The following PRKN variants were observed in gnomAD, a reference collection of about 807,000 sequenced individuals.
The protein encoded by PRKN is parkin RBR E3 ubiquitin protein ligase.
Under a neutral mutation model 59.5 loss-of-function variants are expected in PRKN, and 56 were observed. The ratio of observed to expected loss-of-function variants is 0.94; its 90% confidence interval spans 0.76 to 1.18. The LOEUF (loss-of-function observed/expected upper bound fraction) is 1.18. PRKN is among the 50% of genes most tolerant of loss of function. The probability of loss-of-function intolerance (pLI) is 0.00; values close to 1 mark genes in which losing one functional copy is unlikely to be tolerated. For synonymous variants in PRKN, 250 were observed against 222.1 expected (o/e 1.13, Z -1.12); for missense variants, 657 against 596.4 (o/e 1.10, Z -1.06).
intron 1 of PRKN, among the ~76,000 whole-genome samples, chr6:162,524,954 T>C (rs1361436662): frequency 2.6e-5 from 4 of 152,174 alleles, no homozygotes; most frequent in African/African-American, 9.6e-5. Flanking sequence ...ATATCACTGA[T>C]TCTTCAAAAT....
chr6:161,489,975 C>T (rs915423474), intron 9 of PRKN, among the ~76,000 whole-genome samples: 1 of 152,220 alleles, frequency 6.6e-6, no homozygotes, highest in Non-Finnish European at 1.5e-5. Flanking sequence ...CCAATTTCCA[C>T]AGTAACTCCT....
At chr6:162,474,550 T>C (rs1478994464) in intron 1 of PRKN, among the ~76,000 whole-genome samples, 3 of 152,212 alleles carry the variant, frequency 2.0e-5, no homozygotes, top group South Asian at 4.1e-4. Flanking sequence ...ATTAAAATTA[T>C]TGCCAATAAA....
At chr6:162,190,177 C>G (rs879623741) in intron 4 of PRKN, among the ~76,000 whole-genome samples, 1 of 152,114 alleles carries the variant, frequency 6.6e-6, no homozygotes, top group Non-Finnish European at 1.5e-5. Flanking sequence ...GAGTATCGTG[C>G]CCTACAACAA....
chr6:162,527,387 T>C (rs1204481999), intron 1 of PRKN, among the ~76,000 whole-genome samples: 1 of 152,162 alleles, frequency 6.6e-6, no homozygotes, highest in Non-Finnish European at 1.5e-5. Flanking sequence ...CCAAAATAAG[T>C]ACATTCGAGG....
intron 7 of PRKN, among the ~76,000 whole-genome samples, chr6:161,666,854 C>T (rs1019201351): frequency 6.6e-6 from 1 of 152,130 alleles, no homozygotes; most frequent in African/African-American, 2.4e-5. Flanking sequence ...GTTTTGCTGG[C>T]AGACACTCAG....
At chr6:161,827,793 C>A (rs968178890) in intron 6 of PRKN, among the ~76,000 whole-genome samples, 1 of 152,184 alleles carries the variant, frequency 6.6e-6, no homozygotes, top group African/African-American at 2.4e-5. Flanking sequence ...CAAGCGTGAG[C>A]CAGCACACCC....
At chr6:162,146,512 AT>A (rs142288411) in intron 4 of PRKN, among the ~76,000 whole-genome samples, 5,341 of 149,418 alleles carry the variant, frequency 0.036, 157 homozygotes, top group Non-Finnish European at 0.054. Context: ...ATATATATAA[AT>A]TTTTTTTTTC....
intron 7 of PRKN, among the ~76,000 whole-genome samples, chr6:161,773,401 CA>C (rs1220954315): frequency 6.6e-6 from 1 of 152,140 alleles, no homozygotes; most frequent in Non-Finnish European, 1.5e-5. Context: ...GCTGACGAGG[CA>C]GGGGGAAAGA....
intron 4 of PRKN, among the ~76,000 whole-genome samples, chr6:162,164,513 A>C (rs1167326045): frequency 6.7e-6 from 1 of 148,752 alleles, no homozygotes; most frequent in Non-Finnish European, 1.5e-5. Context: ...TGCCTGGCCT[A>C]ATCTGTGGAC....
intron 1 of PRKN, among the ~76,000 whole-genome samples, chr6:162,472,348 TCC>T (rs1791788779): frequency 8.6e-6 from 1 of 116,012 alleles, no homozygotes; most frequent in Non-Finnish European, 1.8e-5. Context: ...ATGCTACCCC[TCC>T]CCCCACCCCC....
At chr6:162,681,433 T>C (rs1779764236) in intron 1 of PRKN, among the ~76,000 whole-genome samples, 1 of 152,034 alleles carries the variant, frequency 6.6e-6, no homozygotes, top group African/African-American at 2.4e-5. Flanking sequence ...AAAACTAAAT[T>C]GAAAGGAAAA....
At chr6:162,588,919 ACGGTGGGTG>A (rs1781187521) in intron 1 of PRKN, among the ~76,000 whole-genome samples, 1 of 152,162 alleles carries the variant, frequency 6.6e-6, no homozygotes, top group East Asian at 1.9e-4. Flanking sequence ...CACCTGGCAC[ACGGTGGGTG>A]CGCAGTAAGT....
chr6:162,021,330 C>T (rs1783178221), intron 5 of PRKN, among the ~76,000 whole-genome samples: 1 of 146,190 alleles, frequency 6.8e-6, no homozygotes, highest in South Asian at 2.1e-4. Flanking sequence ...TTAACAAAGG[C>T]TTTCAAATAA....
chr6:162,587,930 C>G (rs1469724793), intron 1 of PRKN, among the ~76,000 whole-genome samples: 1 of 150,946 alleles, frequency 6.6e-6, no homozygotes, highest in Non-Finnish European at 1.5e-5. Context: ...CTCAATAATA[C>G]AAATAACTAG....
chr6:161,609,578 T>C (rs1380093732), intron 7 of PRKN, among the ~76,000 whole-genome samples: 1 of 152,158 alleles, frequency 6.6e-6, no homozygotes, highest in Non-Finnish European at 1.5e-5. Flanking sequence ...CAGAAAAGCT[T>C]CTAGGAGATG....
chr6:161,794,577 G>C (rs1212657842), intron 6 of PRKN, among the ~76,000 whole-genome samples: 4 of 152,130 alleles, frequency 2.6e-5, no homozygotes, highest in Non-Finnish European at 5.9e-5. Context: ...AAGGCCTCAG[G>C]TTTTTCTTCT....
intron 1 of PRKN, among the ~76,000 whole-genome samples, chr6:162,567,625 C>T (rs1188006139): frequency 6.6e-6 from 1 of 151,716 alleles, no homozygotes; most frequent in African/African-American, 2.4e-5. Flanking sequence ...AAAGAGAATG[C>T]CAAAAAAGGA....
chr6:161,954,012 A>G (rs1230752636), intron 6 of PRKN, among the ~76,000 whole-genome samples: 1 of 152,140 alleles, frequency 6.6e-6, no homozygotes, highest in Non-Finnish European at 1.5e-5. Flanking sequence ...GAGGACTGGG[A>G]CACTAATAGT....
rs1037766713 is a variant in PRKN at position 161,459,484 on chromosome 6, T to C, written c.1084-72607A>G. 6.6e-6 allele frequency among the ~76,000 whole-genome samples: 1 copy of C among 152,218 alleles called. No homozygotes were observed. Among genetic ancestry groups the C allele is most frequent in the African/African-American group, 2.4e-5 (1 of 41,466 alleles). ...TTTCTTAGTGTGGAGTGCAGGGACC[T>C]GGTTCTGAGCAAAGTAGTGGGAAGG... On this transcript the variant is annotated intron_variant, in intron 9 of 11. Coordinates refer to ENST00000366898, the MANE Select transcript of PRKN (RefSeq NM_004562.3). This position sits in a 1 kb window ranked among gnomAD's most constrained non-coding sequence, Gnocchi z 4.8.
Sources: gnomAD v4.1 joint callset for allele counts (sites outside exome capture counted in the v4.1 genomes callset) on GRCh38, gnomAD v4.1.1 for gene constraint, Gnocchi (gnomAD v3.1) non-coding constraint, MANE v1.5 for transcripts, NCBI Gene and HGNC (gene_info 2026-07-23, HGNC 2026-07-21) for gene names.